The following PRDM2 variants were observed in gnomAD, a reference collection of about 807,000 sequenced individuals.
The protein encoded by PRDM2 is PR/SET domain 2.
A neutral mutation model predicts 130.0 loss-of-function variants in PRDM2; 30 were observed. The ratio of observed to expected loss-of-function variants is 0.23; its 90% confidence interval spans 0.17 to 0.31. PRDM2 has a LOEUF of 0.31. PRDM2 is among the 10% of genes least tolerant of loss of function. PRDM2 has a pLI of 1.00. For synonymous variants in PRDM2, 871 were observed against 782.4 expected (o/e 1.11, Z -1.89); for missense variants, 2,011 against 2,108.4 (o/e 0.95, Z 0.90).
At chr1:13,705,667 G>A (rs1299115977) in intron 1 of PRDM2, 1 of 152,062 alleles carries the variant, frequency 6.6e-6, no homozygotes, top group Non-Finnish European at 1.5e-5. Flanking sequence ...GGGAAGGTCG[G>A]GCATCTCCTT....
Position 13,782,148 on chromosome 1 carries a change from G to A in PRDM2, c.4353G>A (p.Glu1451=), listed in dbSNP as rs1644628150. ...AGGCCGACTTGAAAAATGCTTGTGA[G>A]TCATCCTCTCACATCTGCCCTTACT... ...KQKADLKNAC[E]SSSHICPYCN... is the part of the protein sequence containing the mutation. Residue 1451 remains glutamate (E), a synonymous_variant, in exon 8 of 10, where the codon GAG becomes GAA. Coordinates refer to ENST00000311066, the MANE Select transcript of PRDM2 (RefSeq NM_001393986.1). 1.2e-6 allele frequency: 2 copies of A among 1,613,866 alleles called. No homozygotes were observed. The highest frequency in any genetic ancestry group is 1.6e-4 in the Middle Eastern group (1 of 6,062).
At chr1:13,804,314 C>A (rs189084111) in intron 8 of PRDM2, among the ~76,000 whole-genome samples, 1 of 152,146 alleles carries the variant, frequency 6.6e-6, no homozygotes, top group Non-Finnish European at 1.5e-5. Flanking sequence ...CCCCTGCCCC[C>A]CAAGGCCTAC....
At chr1:13,816,180 G>T (rs531366641) in intron 8 of PRDM2, among the ~76,000 whole-genome samples, 1 of 152,326 alleles carries the variant, frequency 6.6e-6, no homozygotes, top group Non-Finnish European at 1.5e-5. Flanking sequence ...CACTCCTCTT[G>T]CCCGTGCTTC....
chr1:13,762,038 T>C lies in PRDM2; in HGVS notation c.512-11040T>C, dbSNP rs1644109876. 2.0e-5 allele frequency among the ~76,000 whole-genome samples: 3 copies of C among 152,252 alleles called. No homozygotes were observed. In the South Asian group the frequency reaches 6.2e-4, roughly 32 times the overall value. On this transcript the variant is annotated intron_variant, in intron 6 of 9. Transcript: ENST00000311066. ...TATGAAGGAACATATGCCGACAATTTAGATTTGTAGGCGTGCACTTTCTGT... is the reference window on the plus strand; with the variant it reads ...TATGAAGGAACATATGCCGACAATTCAGATTTGTAGGCGTGCACTTTCTGT...
chr1:13,773,458 T>TC (rs771158167), intron 7 of PRDM2: 3 of 211,680 alleles, frequency 1.4e-5, no homozygotes, highest in African/African-American at 2.3e-5. Flanking sequence ...ACACCTGTAA[T>TC]CCCAGCACTT....
intron 9 of PRDM2, among the ~76,000 whole-genome samples, chr1:13,820,478 G>A (rs940965519): frequency 2.0e-5 from 3 of 152,230 alleles, no homozygotes; most frequent in African/African-American, 4.8e-5. Context: ...TGCACATCCT[G>A]TCTTCACCCC....
chr1:13,786,658 C>T (rs961921643), intron 8 of PRDM2: 2 of 1,543,398 alleles, frequency 1.3e-6, no homozygotes, highest in African/African-American at 1.4e-5. Context: ...CTCAAAAATC[C>T]TAACATTCAG....
intron 8 of PRDM2, among the ~76,000 whole-genome samples, chr1:13,791,575 G>C (rs1644839483): frequency 6.6e-6 from 1 of 152,202 alleles, no homozygotes; most frequent in Non-Finnish European, 1.5e-5. Flanking sequence ...TCAGCAAATA[G>C]TGTGTTTGTT....
chr1:13,751,314 T>C (rs1440913092), intron 6 of PRDM2, among the ~76,000 whole-genome samples: 1 of 152,214 alleles, frequency 6.6e-6, no homozygotes, highest in Admixed American at 6.5e-5. Context: ...CCCAGAATCC[T>C]AGGTTTTAAT....
intron 8 of PRDM2, among the ~76,000 whole-genome samples, chr1:13,814,123 G>C (rs1227348638): frequency 1.3e-5 from 2 of 152,202 alleles, no homozygotes; most frequent in Non-Finnish European, 2.9e-5. Flanking sequence ...GGACACAGGA[G>C]TCCATGTCTC....
At chr1:13,792,693 A>G (rs1260048498) in intron 8 of PRDM2, among the ~76,000 whole-genome samples, 1 of 152,206 alleles carries the variant, frequency 6.6e-6, no homozygotes, top group African/African-American at 2.4e-5. Context: ...TGTAGATCTG[A>G]AGGACTTTGT....
chr1:13,778,384 C>T (rs549641376), intron 7 of PRDM2, 34 bp from the exon 8 acceptor site: 3 of 1,543,202 alleles, frequency 1.9e-6, no homozygotes, highest in South Asian at 2.5e-5. Context: ...TCCCATGCTT[C>T]ACTTCCATGC....
intron 2 of PRDM2, among the ~76,000 whole-genome samples, chr1:13,722,082 A>G (rs1642747239): frequency 6.6e-6 from 1 of 152,134 alleles, no homozygotes; most frequent in Admixed American, 6.5e-5. Context: ...AAAATAGTTT[A>G]ATTACTATTA....
At chr1:13,747,358 T>G (rs1643641974) in intron 5 of PRDM2, among the ~76,000 whole-genome samples, 1 of 152,258 alleles carries the variant, frequency 6.6e-6, no homozygotes, top group Non-Finnish European at 1.5e-5. Context: ...ATTTGGAATT[T>G]ACACAATCTA....
chr1:13,716,807 A>C (rs1295351046), intron 2 of PRDM2, among the ~76,000 whole-genome samples: 1 of 152,232 alleles, frequency 6.6e-6, no homozygotes, highest in Non-Finnish European at 1.5e-5. Flanking sequence ...TAAAATGTTC[A>C]TAAGCACTTA....
chr1:13,766,407 G>A (rs1406416), intron 6 of PRDM2, among the ~76,000 whole-genome samples: 29,714 of 152,200 alleles, frequency 0.2, 3,540 homozygotes, highest in Non-Finnish European at 0.27. Flanking sequence ...GAGAAACTTG[G>A]GGCAAATAAA....
At chr1:13,765,129 C>T (rs778195834) in intron 6 of PRDM2, among the ~76,000 whole-genome samples, 7 of 152,224 alleles carry the variant, frequency 4.6e-5, no homozygotes, top group Non-Finnish European at 8.8e-5. Flanking sequence ...ACCACACCCA[C>T]CCCGCTGCAA....
At chr1:13,762,736 T>C (rs1644128714) in intron 6 of PRDM2, among the ~76,000 whole-genome samples, 2 of 152,312 alleles carry the variant, frequency 1.3e-5, no homozygotes, top group South Asian at 4.1e-4. Context: ...TGCCAGAGCC[T>C]GTTAGCAAGG....
chr1:13,720,301 CAG>C (rs1254263842), intron 2 of PRDM2, among the ~76,000 whole-genome samples: 5 of 152,160 alleles, frequency 3.3e-5, no homozygotes, highest in African/African-American at 1.2e-4. Flanking sequence ...TGCTGTAGAG[CAG>C]AGTTACCTTG....
Sources: allele counts gnomAD v4.1 joint callset (sites outside exome capture counted in the v4.1 genomes callset), GRCh38; gene constraint gnomAD v4.1.1; transcripts MANE v1.5; gene names NCBI Gene and HGNC (gene_info 2026-07-23, HGNC 2026-07-21).